The following PLCB1 variants were observed in gnomAD, a reference collection of about 807,000 sequenced individuals.
PLCB1 encodes the protein 1-phosphatidylinositol 4,5-bisphosphate phosphodiesterase beta-1.
A neutral mutation model predicts 161.8 loss-of-function variants in PLCB1; 46 were observed. That is an observed-to-expected ratio of 0.28 (90% CI 0.22 to 0.36). PLCB1 has a LOEUF of 0.36. PLCB1 is among the 10% of genes least tolerant of loss of function. The probability of loss-of-function intolerance (pLI) is 1.00; values close to 1 mark genes in which losing one functional copy is unlikely to be tolerated. For synonymous variants in PLCB1, 517 were observed against 503.7 expected (o/e 1.03, Z -0.35); for missense variants, 1,016 against 1,472.5 (o/e 0.69, Z 5.07).
At chr20:8,182,495 A>T (rs189421478) in intron 2 of PLCB1, among the ~76,000 whole-genome samples, 2 of 152,244 alleles carry the variant, frequency 1.3e-5, no homozygotes, top group Admixed American at 1.3e-4. Context: ...CAGAAGATGA[A>T]AGATCATGTG....
At chr20:8,155,085 A>T (rs1253701495) in intron 2 of PLCB1, among the ~76,000 whole-genome samples, 1 of 152,140 alleles carries the variant, frequency 6.6e-6, no homozygotes, top group Non-Finnish European at 1.5e-5. Flanking sequence ...CGTAGAGCTG[A>T]CATTTCACTA....
chr20:8,158,091 T>C (rs945404525), intron 2 of PLCB1, among the ~76,000 whole-genome samples: 2 of 152,224 alleles, frequency 1.3e-5, no homozygotes, highest in African/African-American at 4.8e-5. Context: ...TATTTGTACT[T>C]TTTGATGCCA....
chr20:8,147,719 A>G (rs901376793), intron 1 of PLCB1, among the ~76,000 whole-genome samples: 26 of 152,200 alleles, frequency 1.7e-4, no homozygotes, highest in African/African-American at 6.3e-4. Context: ...ATGATCACTT[A>G]ACAGAGGAAC....
chr20:8,486,757 A>C (rs2122763607), intron 3 of PLCB1, among the ~76,000 whole-genome samples: 1 of 151,418 alleles, frequency 6.6e-6, no homozygotes, highest in East Asian at 1.9e-4. Flanking sequence ...GGCCTCCCAA[A>C]GTGCTGGGAT....
intron 4 of PLCB1, among the ~76,000 whole-genome samples, chr20:8,641,421 C>T (rs548002145): frequency 1.3e-5 from 2 of 152,328 alleles, no homozygotes; most frequent in South Asian, 4.1e-4. Context: ...GATTATGAAT[C>T]TATTACCTAT....
chr20:8,146,834 G>T (rs2123025860), intron 1 of PLCB1, among the ~76,000 whole-genome samples: 1 of 152,254 alleles, frequency 6.6e-6, no homozygotes. Context: ...ATATAGGAAT[G>T]ACAGTAAAAC....
At chr20:8,739,988 G>T (rs764924363) in intron 21 of PLCB1, among the ~76,000 whole-genome samples, 4 of 152,130 alleles carry the variant, frequency 2.6e-5, no homozygotes, top group Non-Finnish European at 5.9e-5. Context: ...AACAGAATGA[G>T]ACCCTGTCTC....
intron 3 of PLCB1, among the ~76,000 whole-genome samples, chr20:8,386,378 A>G (rs1987426899): frequency 6.6e-6 from 1 of 152,318 alleles, no homozygotes; most frequent in Middle Eastern, 3.4e-3. Flanking sequence ...GTATATCACC[A>G]TCAGAGCTCT....
intron 3 of PLCB1, among the ~76,000 whole-genome samples, chr20:8,504,804 T>C (rs750041876): frequency 6.6e-6 from 1 of 152,192 alleles, no homozygotes; most frequent in Non-Finnish European, 1.5e-5. Flanking sequence ...ATATTACCAA[T>C]GTGGCATTAA....
chr20:8,317,795 G>A (rs1193027586), intron 2 of PLCB1, among the ~76,000 whole-genome samples: 1 of 152,012 alleles, frequency 6.6e-6, no homozygotes, highest in African/African-American at 2.4e-5. Flanking sequence ...TTTATTCATT[G>A]TAGAAATAAA....
At chr20:8,642,613 T>C (rs1988993019) in intron 4 of PLCB1, among the ~76,000 whole-genome samples, 1 of 152,160 alleles carries the variant, frequency 6.6e-6, no homozygotes, top group Non-Finnish European at 1.5e-5. Flanking sequence ...TATTAAAAAA[T>C]AGGACCTTTA....
At chr20:8,621,792 A>C (rs945042838) in intron 3 of PLCB1, among the ~76,000 whole-genome samples, 1 of 152,226 alleles carries the variant, frequency 6.6e-6, no homozygotes, top group Non-Finnish European at 1.5e-5. Context: ...CTTGGATTCA[A>C]ATCTCCCTTT....
chr20:8,272,480 A>G (rs1244469224), intron 2 of PLCB1, among the ~76,000 whole-genome samples: 2 of 152,122 alleles, frequency 1.3e-5, no homozygotes, highest in South Asian at 2.1e-4. Context: ...CACCACCTTT[A>G]TGGTTGTCTC....
intron 3 of PLCB1, among the ~76,000 whole-genome samples, chr20:8,617,872 C>T (rs975939597): frequency 6.6e-6 from 1 of 152,060 alleles, no homozygotes; most frequent in Non-Finnish European, 1.5e-5. Flanking sequence ...ATATCATATA[C>T]TGCTATTTTT....
intron 3 of PLCB1, among the ~76,000 whole-genome samples, chr20:8,602,255 C>A (rs771942013): frequency 4.3e-4 from 65 of 151,746 alleles, no homozygotes; most frequent in Admixed American, 2.1e-3. Flanking sequence ...TCTTGGTATT[C>A]CTAGAATAGA....
At chr20:8,188,033 T>C (rs2051925216) in intron 2 of PLCB1, among the ~76,000 whole-genome samples, 1 of 150,918 alleles carries the variant, frequency 6.6e-6, no homozygotes. Context: ...TTGGCTGAGG[T>C]TTGGCTGATT....
chr20:8,827,121 G>A (rs528501311), intron 31 of PLCB1, among the ~76,000 whole-genome samples: 2 of 152,172 alleles, frequency 1.3e-5, no homozygotes, highest in Non-Finnish European at 2.9e-5. Context: ...CTATATGATA[G>A]TTTTCATTAT....
At chr20:8,414,428 C>T (rs1431728032) in intron 3 of PLCB1, among the ~76,000 whole-genome samples, 1 of 152,164 alleles carries the variant, frequency 6.6e-6, no homozygotes, top group Non-Finnish European at 1.5e-5. Context: ...GGAATTTCAA[C>T]CAGCTCTTTT....
chr20:8,471,383 G>T (rs559924648), intron 3 of PLCB1, among the ~76,000 whole-genome samples: 1 of 152,096 alleles, frequency 6.6e-6, no homozygotes, highest in Non-Finnish European at 1.5e-5. Context: ...GAACACACTC[G>T]GGGAAGCATT....
Sources: gnomAD v4.1 joint callset for allele counts (sites outside exome capture counted in the v4.1 genomes callset) on GRCh38, gnomAD v4.1.1 for gene constraint, MANE v1.5 for transcripts, NCBI Gene and HGNC (gene_info 2026-07-23, HGNC 2026-07-21) for gene names.